SLC22A23: variants seen among roughly 807,000 people sequenced by gnomAD.
SLC22A23 encodes the protein solute carrier family 22 member 23.
A neutral mutation model predicts 61.0 loss-of-function variants in SLC22A23; 26 were observed. The ratio of observed to expected loss-of-function variants is 0.43; its 90% CI spans 0.31 to 0.59. SLC22A23 has a LOEUF of 0.59. SLC22A23 is among the 20% of genes least tolerant of loss of function. SLC22A23 has a pLI of 0.11. For synonymous variants in SLC22A23, 430 were observed against 413.9 expected (o/e 1.04, Z -0.47); for missense variants, 796 against 934.7 (o/e 0.85, Z 1.94).
chr6:3,316,613 T>C (rs1339042843), intron 4 of SLC22A23, among the ~76,000 whole-genome samples: 1 of 152,188 alleles, frequency 6.6e-6, no homozygotes, highest in African/African-American at 2.4e-5. Flanking sequence ...AGCATCAAAA[T>C]TCTGCACCTA....
intron 3 of SLC22A23, among the ~76,000 whole-genome samples, chr6:3,391,117 A>T (rs1767635748): frequency 1.3e-5 from 2 of 152,248 alleles, no homozygotes; most frequent in Non-Finnish European, 2.9e-5. Context: ...TCAACCAGTA[A>T]TGGTAAGGAA....
chr6:3,365,651 G>T (rs1765761151), intron 3 of SLC22A23, among the ~76,000 whole-genome samples: 1 of 152,140 alleles, frequency 6.6e-6, no homozygotes, highest in Admixed American at 6.5e-5. Context: ...CTCTGGAAAT[G>T]ATCCTCTTGG....
At chr6:3,323,734 C>T (rs764641147) in intron 4 of SLC22A23, 100 bp downstream of exon 4, 260 of 1,335,214 alleles carry the variant, frequency 1.9e-4, no homozygotes, top group Non-Finnish European at 2.5e-4. Context: ...CAAGCTGCAA[C>T]TAGTGGGAAG....
At chr6:3,366,731 G>C (rs1765862777) in intron 3 of SLC22A23, among the ~76,000 whole-genome samples, 1 of 152,124 alleles carries the variant, frequency 6.6e-6, no homozygotes, top group Admixed American at 6.5e-5. Flanking sequence ...CAGCCTCAGA[G>C]AGCGACTTAA....
In SLC22A23 at chr6:3,342,808, C is replaced by T. The variant is rs1764223332; in HGVS notation, c.914-18806G>A. On this transcript the variant is annotated intron_variant, in intron 3 of 9. Coordinates refer to ENST00000406686, the MANE Select transcript of SLC22A23 (RefSeq NM_015482.2). This position sits in a 1 kb window ranked among gnomAD's most constrained non-coding sequence, Gnocchi z 4.0. ...GTGAATTAAACTGACAAAAGACAGGCTGGCAAGAGGAAAGACAAAGTTTAA... is the reference window on the plus strand; with the variant it reads ...GTGAATTAAACTGACAAAAGACAGGTTGGCAAGAGGAAAGACAAAGTTTAA... Among the ~76,000 whole-genome samples the T allele has an allele frequency of 6.6e-6, 1 of 152,122 alleles. No individual in the cohort carries two copies. Among genetic ancestry groups the T allele is most frequent in the Non-Finnish European group, 1.5e-5 (1 of 68,036 alleles).
At chr6:3,452,291 C>T (rs1278146433) in intron 1 of SLC22A23, among the ~76,000 whole-genome samples, 1 of 152,162 alleles carries the variant, frequency 6.6e-6, no homozygotes, top group Admixed American at 6.5e-5. Flanking sequence ...GACTTAAAAT[C>T]CATGATTGGC....
At position 3,446,507 on chromosome 6, in the gene SLC22A23, C is replaced by A. The variant is rs150328413; in HGVS notation, c.654+9399G>T. Among the ~76,000 whole-genome samples the A allele has an allele frequency of 2.9e-3, 435 of 152,326 alleles. 2 individuals carry two copies. Among genetic ancestry groups the A allele is most frequent in the African/African-American group, 0.01 (422 of 41,568 alleles). On this transcript the variant is annotated intron_variant, in intron 1 of 9. Coordinates refer to ENST00000406686, the MANE Select transcript of SLC22A23 (RefSeq NM_015482.2). ...TGTGGAAACTTAATTAGCATCCTCC[C>A]TTGTTGAGTAGGAGGGCCAGAGAAA...
At chr6:3,289,952 G>C (rs1760418176) in intron 5 of SLC22A23, 86 bp from the exon 6 acceptor site, 1 of 797,560 alleles carries the variant, frequency 1.3e-6, no homozygotes, top group African/African-American at 1.7e-5. Context: ...TGGTTCCCCA[G>C]TTCGGGTACC....
At chr6:3,280,662 AT>A (rs1269826172) in intron 9 of SLC22A23, among the ~76,000 whole-genome samples, 91 of 150,890 alleles carry the variant, frequency 6.0e-4, no homozygotes, top group East Asian at 2.7e-3. Flanking sequence ...CGCCCGGCTA[AT>A]TTTTTTTGTA....
chr6:3,393,153 G>A (rs911754650), intron 3 of SLC22A23, among the ~76,000 whole-genome samples: 4 of 152,190 alleles, frequency 2.6e-5, no homozygotes, highest in African/African-American at 9.7e-5. Flanking sequence ...TGGAGGCTGT[G>A]GGTTATCTTA....
chr6:3,344,912 C>A (rs187315066), intron 3 of SLC22A23, among the ~76,000 whole-genome samples: 95 of 139,540 alleles, frequency 6.8e-4, no homozygotes, highest in African/African-American at 2.7e-3. Context: ...GCTGAGGAAA[C>A]CATCTTCCTA....
chr6:3,312,411 ATGT>A (rs982652361), intron 4 of SLC22A23: 3 of 152,186 alleles, frequency 2.0e-5, no homozygotes, highest in Non-Finnish European at 4.4e-5. Flanking sequence ...AAAAAGTCTG[ATGT>A]TGTAAAACAG....
Position 3,308,371 on chromosome 6 carries a change from T to C in SLC22A23, c.1083-10153A>G, listed in dbSNP as rs1762134247. ...GCTGACACGCACCTGCATCTCCAGG[T>C]GCCGCCTCTGCTATGACACACTGCC... On this transcript the variant is annotated intron_variant, in intron 4 of 9. Coordinates refer to ENST00000406686, the MANE Select transcript of SLC22A23 (RefSeq NM_015482.2). The surrounding 1 kb of genome is among the most constrained non-coding windows in gnomAD (Gnocchi z 5.1). 6.6e-6 allele frequency among the ~76,000 whole-genome samples: 1 copy of C among 152,134 alleles called. No homozygotes were observed. Among genetic ancestry groups the C allele is most frequent in the Non-Finnish European group, 1.5e-5 (1 of 68,030 alleles).
rs1772442081 is a variant in SLC22A23 at position 3,457,002 on chromosome 6, T to G, written c.-443A>C. Reference sequence around the variant, plus strand: ...GCTCCCGGGGTGGCCGCGCTGTATTTCTCCGACTTCGGGCGCCTCCCGGAA... The same window carrying G: ...GCTCCCGGGGTGGCCGCGCTGTATTGCTCCGACTTCGGGCGCCTCCCGGAA... On this transcript the variant is annotated 5_prime_UTR_variant, in exon 1 of 10. Coordinates refer to ENST00000406686, the MANE Select transcript of SLC22A23 (RefSeq NM_015482.2). 1 of 151,418 alleles carries G rather than the reference T, an allele frequency of 6.6e-6. No individual in the cohort carries two copies. The highest frequency in any genetic ancestry group is 1.5e-5 in the Non-Finnish European group (1 of 67,712). The allele number at this position is 151,418 out of a possible 1,614,324, so 9.4% of individuals were successfully genotyped here. A position where few individuals can be genotyped will look rare whatever the true frequency, so the allele number is the denominator to read the frequency against.
rs894592643 is a variant in SLC22A23 at position 3,272,882 on chromosome 6, C to T, written c.*173G>A. 2.1e-5 allele frequency: 12 copies of T among 567,036 alleles called. No homozygotes were observed. The highest frequency in any genetic ancestry group is 9.5e-5 in the African/African-American group (5 of 52,618). The allele number at this position is 567,036 out of a possible 1,614,324, so 35.1% of individuals were successfully genotyped here. A position where few individuals can be genotyped will look rare whatever the true frequency, so the allele number is the denominator to read the frequency against. Reference sequence around the variant, plus strand: ...AGGGTTATTTCCAAAGAGTTTGTCTCCTCCGACCCGCGCTCCTTGGACTTT... The same window carrying T: ...AGGGTTATTTCCAAAGAGTTTGTCTTCTCCGACCCGCGCTCCTTGGACTTT... On this transcript the variant is annotated 3_prime_UTR_variant, in exon 10 of 10. Transcript: ENST00000406686.
chr6:3,361,337 G>T (rs1005854564), intron 3 of SLC22A23, among the ~76,000 whole-genome samples: 1 of 148,374 alleles, frequency 6.7e-6, no homozygotes, highest in Admixed American at 6.8e-5. Context: ...CCTTCCATCT[G>T]TGGCCATGAC....
In SLC22A23 at chr6:3,425,520, A is replaced by G. The variant is rs62391782; in HGVS notation, c.655-9665T>C. Among the ~76,000 whole-genome samples, 535 of 152,152 alleles carry G rather than the reference A, an allele frequency of 3.5e-3. 6 individuals are homozygous for G. The highest frequency in any genetic ancestry group is 4.3e-3 in the Non-Finnish European group (292 of 67,986). On this transcript the variant is annotated intron_variant, in intron 1 of 9. Coordinates refer to ENST00000406686, the MANE Select transcript of SLC22A23 (RefSeq NM_015482.2). ...AGGATGGTCTCAATCTCCTGACCTC[A>G]TGATCCGCCCACCTCGGCCTCCCAA...
chr6:3,358,183 C>G (rs886617349), intron 3 of SLC22A23, among the ~76,000 whole-genome samples: 1 of 152,130 alleles, frequency 6.6e-6, no homozygotes, highest in African/African-American at 2.4e-5. Context: ...AAAACTAAAA[C>G]TAGAACTGCC....
At chr6:3,343,703 C>T (rs1764275059) in intron 3 of SLC22A23, among the ~76,000 whole-genome samples, 1 of 152,236 alleles carries the variant, frequency 6.6e-6, no homozygotes, top group East Asian at 1.9e-4. Context: ...GCCCATCTAT[C>T]TGCTTCTGAA....
Sources: gnomAD v4.1 joint callset for allele counts (sites outside exome capture counted in the v4.1 genomes callset) on GRCh38, gnomAD v4.1.1 for gene constraint, Gnocchi (gnomAD v3.1) non-coding constraint, MANE v1.5 for transcripts, NCBI Gene and HGNC (gene_info 2026-07-23, HGNC 2026-07-21) for gene names.